The following KDM1B variants were observed in gnomAD, a reference collection of about 807,000 sequenced individuals.
KDM1B encodes lysine-specific histone demethylase 2.
KDM1B carries 63 observed loss-of-function variants against 107.4 expected under a neutral mutation model. That is an observed-to-expected ratio of 0.59 (90% CI 0.48 to 0.72). The LOEUF (loss-of-function observed/expected upper bound fraction) is 0.72. Ranked by LOEUF, KDM1B falls within the 30% of genes least tolerant of loss-of-function variation. The pLI, the probability that KDM1B is intolerant of heterozygous loss-of-function variation, is 0.00. For synonymous variants in KDM1B, 363 were observed against 363.9 expected (o/e 1.00, Z 0.03); for missense variants, 749 against 1,020.8 (o/e 0.73, Z 3.63).
intron 15 of KDM1B, among the ~76,000 whole-genome samples, chr6:18,206,969 C>G (rs1788416743): frequency 6.6e-6 from 1 of 152,126 alleles, no homozygotes; most frequent in African/African-American, 2.4e-5. Flanking sequence ...CCTTTGGGAC[C>G]TCTCCATTTC....
intron 21 of KDM1B, among the ~76,000 whole-genome samples, chr6:18,219,966 G>C (rs1789553842): frequency 6.6e-6 from 1 of 152,160 alleles, no homozygotes; most frequent in South Asian, 2.1e-4. Flanking sequence ...CGGTCAAGTG[G>C]GGAATGTGGT....
At chr6:18,208,706 G>A (rs1230490973) in intron 17 of KDM1B, among the ~76,000 whole-genome samples, 3 of 122,086 alleles carry the variant, frequency 2.5e-5, no homozygotes, top group Non-Finnish European at 4.8e-5. Context: ...GTGCAGTGGC[G>A]CAAACTCGGC....
rs1297974786 is a variant in KDM1B, at chr6:18,201,855, G to A, written c.1531+198G>A. On this transcript the variant is annotated intron_variant, in intron 14 of 21. Transcript: ENST00000650836. This position sits in a 1 kb window ranked among gnomAD's most constrained non-coding sequence, Gnocchi z 4.3. ...GTAGGGAGGCTTAGATGCTTGTGTT[G>A]TGTACACACACACACACAGACCTTA... Among the ~76,000 whole-genome samples the A allele has an allele frequency of 2.0e-5, 3 of 152,090 alleles. No individual in the cohort carries two copies. Among genetic ancestry groups the A allele is most frequent in the African/African-American group, 7.2e-5 (3 of 41,390 alleles).
chr6:18,202,302 G>C (rs918529929), intron 14 of KDM1B, among the ~76,000 whole-genome samples: 6 of 151,886 alleles, frequency 4.0e-5, no homozygotes, highest in African/African-American at 1.5e-4. Context: ...GGGAGGCTGA[G>C]GTGGAAGGAT....
chr6:18,159,788 A>C lies in KDM1B; in HGVS notation c.-13-95A>C. ...GCTTTGTATTTAGGCAATCTGACAT[A>C]CATTCTTACCTACCAAAGTGTATAA... On this transcript the variant is annotated intron_variant, in intron 2 of 21. Coordinates refer to ENST00000650836, the MANE Select transcript of KDM1B (RefSeq NM_001364614.2). This position sits in a 1 kb window ranked among gnomAD's most constrained non-coding sequence, Gnocchi z 4.5. 1 of 671,540 alleles carries C rather than the reference A, an allele frequency of 1.5e-6. No homozygotes were observed. Among genetic ancestry groups the C allele is most frequent in the African/African-American group, 1.9e-5 (1 of 54,012 alleles). The allele number at this position is 671,540 out of a possible 1,614,324, so 41.6% of individuals were successfully genotyped here.
At chr6:18,220,324 G>C (rs369927772) in intron 21 of KDM1B, among the ~76,000 whole-genome samples, 1 of 152,284 alleles carries the variant, frequency 6.6e-6, no homozygotes, top group Admixed American at 6.5e-5. Flanking sequence ...TGAGACAGGT[G>C]TATCACCTGA....
intron 9 of KDM1B, among the ~76,000 whole-genome samples, chr6:18,190,848 C>T (rs147302471): frequency 8.0e-5 from 12 of 150,680 alleles, no homozygotes; most frequent in African/African-American, 2.2e-4. Flanking sequence ...CGCAGTAAGC[C>T]GAGATTGGAC....
In KDM1B at chr6:18,212,145, A is replaced by G. The variant is rs1215749100; in HGVS notation, c.1867-343A>G. ...ATTTTTGTAGAGACAGGGTTTCACC[A>G]TGTTGGCCAGGCTGGTCTTGAACTC... On this transcript the variant is annotated intron_variant, in intron 17 of 21. Coordinates refer to ENST00000650836, the MANE Select transcript of KDM1B (RefSeq NM_001364614.2). This position sits in a 1 kb window ranked among gnomAD's most constrained non-coding sequence, Gnocchi z 5.2. 1 of 207,166 alleles carries G rather than the reference A, an allele frequency of 4.8e-6. No individual in the cohort carries two copies. The highest frequency in any genetic ancestry group is 9.9e-6 in the Non-Finnish European group (1 of 101,374). 12.8% of individuals were successfully genotyped at this position (207,166 alleles called of 1,614,324 possible).
At chr6:18,177,474 C>T (rs1040409145) in intron 7 of KDM1B, among the ~76,000 whole-genome samples, 20 of 151,026 alleles carry the variant, frequency 1.3e-4, no homozygotes, top group African/African-American at 4.4e-4. Context: ...TGTCTGATCT[C>T]GGTTATTTCC....
chr6:18,217,858 T>A lies in KDM1B; in HGVS notation c.2358T>A (p.Ile786=), dbSNP rs1293297236. 6.2e-7 allele frequency: 1 copy of A among 1,612,790 alleles called. No individual in the cohort carries two copies. Among genetic ancestry groups the A allele is most frequent in the East Asian group, 2.2e-5 (1 of 44,878 alleles). The change falls in exon 21 of 22, where the codon ATT becomes ATA. Residue 786 remains isoleucine, a synonymous_variant. Coordinates refer to ENST00000650836, the MANE Select transcript of KDM1B (RefSeq NM_001364614.2). ...CCTACGATATCATTGCTGAAGACAT[T>A]CAAGGAACCGTCTTTTTCGCTGGTG... ...GEAYDIIAED[I]QGTVFFAGEA... is the part of the protein sequence containing the mutation.
intron 7 of KDM1B, among the ~76,000 whole-genome samples, chr6:18,177,409 C>T (rs1160082410): frequency 1.3e-5 from 2 of 150,666 alleles, no homozygotes; most frequent in East Asian, 3.9e-4. Context: ...AAAGAACCAG[C>T]TTTTTGTTTC....
rs954940894 is a variant in KDM1B at position 18,204,769 on chromosome 6, G to A, written c.1532-768G>A. Among the ~76,000 whole-genome samples, 2 of 152,214 alleles carry A rather than the reference G, an allele frequency of 1.3e-5. No homozygotes were observed. Among genetic ancestry groups the A allele is most frequent in the South Asian group, 2.1e-4 (1 of 4,832 alleles). On this transcript the variant is annotated intron_variant, in intron 14 of 21. Transcript: ENST00000650836. The surrounding 1 kb of genome is among the most constrained non-coding windows in gnomAD (Gnocchi z 4.9). The stretch of plus-strand genomic sequence containing the variant: ...AATTCTGGGGGCTTGCCACGGCCCG[G>A]TGATGCCCGACTATAAAGAATGGAT...
chr6:18,184,328 TCA>T (rs1786689865), intron 7 of KDM1B, among the ~76,000 whole-genome samples: 1 of 149,390 alleles, frequency 6.7e-6, no homozygotes, highest in African/African-American at 2.5e-5. Context: ...AGGCTGGAGT[TCA>T]GTGTTGCGAT....
Position 18,162,412 on chromosome 6 carries a change from A to G in KDM1B, c.216-423A>G, listed in dbSNP as rs1437845896. 6.6e-6 allele frequency among the ~76,000 whole-genome samples: 1 copy of G among 152,176 alleles called. No individual in the cohort carries two copies. Among genetic ancestry groups the G allele is most frequent in the South Asian group, 2.1e-4 (1 of 4,834 alleles). On this transcript the variant is annotated intron_variant, in intron 4 of 21. Coordinates refer to ENST00000650836, the MANE Select transcript of KDM1B (RefSeq NM_001364614.2). The surrounding 1 kb of genome is among the most constrained non-coding windows in gnomAD (Gnocchi z 4.1). ...TTTTCATTCTCTTGCTATATTATCAACTGTTTGACAAGTTATCTTTGCCAA... is the reference window on the plus strand; with the variant it reads ...TTTTCATTCTCTTGCTATATTATCAGCTGTTTGACAAGTTATCTTTGCCAA...
rs933386714 is a variant in KDM1B, at chr6:18,191,853, C to T, written c.969+472C>T. Among the ~76,000 whole-genome samples, 4 of 152,090 alleles carry T rather than the reference C, an allele frequency of 2.6e-5. No homozygotes were observed. The highest frequency in any genetic ancestry group is 9.7e-5 in the African/African-American group (4 of 41,422). On this transcript the variant is annotated intron_variant, in intron 10 of 21. Coordinates refer to ENST00000650836, the MANE Select transcript of KDM1B (RefSeq NM_001364614.2). This position sits in a 1 kb window ranked among gnomAD's most constrained non-coding sequence, Gnocchi z 5.1. ...CCTCGGCATCCTAAATCAACCAAGA[C>T]CAGTACATTTCTTCTGTTGGGTCTA...
intron 3 of KDM1B, among the ~76,000 whole-genome samples, chr6:18,160,622 C>T (rs1441169624): frequency 2.0e-5 from 3 of 151,888 alleles, no homozygotes; most frequent in Non-Finnish European, 4.4e-5. Context: ...CCTGTAGTCT[C>T]AGCTACTCGG....
At chr6:18,185,336 C>T (rs573190615) in intron 7 of KDM1B, among the ~76,000 whole-genome samples, 123 of 150,540 alleles carry the variant, frequency 8.2e-4, no homozygotes, top group African/African-American at 3.0e-3. Flanking sequence ...GAGTCTCGCT[C>T]TGTTACCCAG....
At chr6:18,179,780 C>T (rs530266940) in intron 7 of KDM1B, among the ~76,000 whole-genome samples, 31 of 148,426 alleles carry the variant, frequency 2.1e-4, no homozygotes, top group Admixed American at 1.6e-3. Flanking sequence ...TTGACCTGAG[C>T]CTGGGATTAG....
chr6:18,158,107 T>C (rs530982093), intron 2 of KDM1B, among the ~76,000 whole-genome samples: 4 of 152,180 alleles, frequency 2.6e-5, no homozygotes, highest in East Asian at 3.9e-4. Flanking sequence ...GCCACCGCGC[T>C]GGCCGGTGGA....
Sources: allele counts gnomAD v4.1 joint callset (sites outside exome capture counted in the v4.1 genomes callset), GRCh38; gene constraint gnomAD v4.1.1; non-coding constraint Gnocchi (gnomAD v3.1); transcripts MANE v1.5; gene names NCBI Gene and HGNC (gene_info 2026-07-23, HGNC 2026-07-21).